Variants in AGBL4 observed in about 807,000 individuals in gnomAD.
The protein encoded by AGBL4 is AGBL carboxypeptidase 4, also known as cytosolic carboxypeptidase 6.
AGBL4 carries 58 observed loss-of-function variants against 66.4 expected under a neutral mutation model. The ratio of observed to expected loss-of-function variants is 0.87; its 90% confidence interval spans 0.71 to 1.09. The LOEUF (loss-of-function observed/expected upper bound fraction) is 1.09. Ranked by LOEUF, AGBL4 falls within the 50% of genes least tolerant of loss-of-function variation. AGBL4 has a pLI of 0.00. For synonymous variants in AGBL4, 234 were observed against 222.9 expected, an observed-to-expected ratio of 1.05 and a Z score of -0.44; for missense variants, 579 against 631.0, an observed-to-expected ratio of 0.92 and a Z score of 0.88.
intron 4 of AGBL4, among the ~76,000 whole-genome samples, chr1:49,211,764 T>C (rs537659262): frequency 2.6e-5 from 4 of 152,282 alleles, no homozygotes; most frequent in African/African-American, 2.4e-5. Context: ...AGAACTGCTA[T>C]AAACACAGAT....
intron 2 of AGBL4, among the ~76,000 whole-genome samples, chr1:49,767,064 CAA>C (rs1652784312): frequency 1.3e-5 from 2 of 152,048 alleles, no homozygotes; most frequent in South Asian, 4.1e-4. Flanking sequence ...AGAAAACTAG[CAA>C]AGACATTCTG....
At chr1:48,564,887 T>A (rs531538452) in intron 11 of AGBL4, among the ~76,000 whole-genome samples, 1 of 152,186 alleles carries the variant, frequency 6.6e-6, no homozygotes. Flanking sequence ...GTAACCTGAC[T>A]CTAAGCTTGG....
At chr1:48,979,476 A>T (rs1361046518) in intron 5 of AGBL4, among the ~76,000 whole-genome samples, 1 of 152,160 alleles carries the variant, frequency 6.6e-6, no homozygotes, top group Non-Finnish European at 1.5e-5. Context: ...TAGTTGAAAA[A>T]TTTAATAGTA....
chr1:49,250,439 A>AT (rs1651957329), intron 3 of AGBL4, among the ~76,000 whole-genome samples: 1 of 132,908 alleles, frequency 7.5e-6, no homozygotes, highest in South Asian at 2.5e-4. Flanking sequence ...CACAGGAACT[A>AT]ATTTTTTTTT....
intron 5 of AGBL4, among the ~76,000 whole-genome samples, chr1:48,996,533 A>T (rs750746066): frequency 6.6e-6 from 1 of 152,200 alleles, no homozygotes; most frequent in Non-Finnish European, 1.5e-5. Context: ...TTCAGGAAGT[A>T]GGTTGTCAGT....
chr1:49,432,514 A>G (rs1012975610), intron 3 of AGBL4, among the ~76,000 whole-genome samples: 2 of 152,100 alleles, frequency 1.3e-5, no homozygotes, highest in East Asian at 1.9e-4. Flanking sequence ...ACTACAATAC[A>G]TATTCCTTCA....
intron 5 of AGBL4, among the ~76,000 whole-genome samples, chr1:48,964,736 AATAC>A (rs549304007): frequency 2.0e-5 from 3 of 152,004 alleles, no homozygotes; most frequent in East Asian, 1.9e-4. Context: ...AAAATAAATA[AATAC>A]ATACATACAT....
intron 1 of AGBL4, among the ~76,000 whole-genome samples, chr1:50,002,671 C>G (rs1660854485): frequency 6.6e-6 from 1 of 152,082 alleles, no homozygotes; most frequent in Admixed American, 6.5e-5. Flanking sequence ...GCCCGGCCAG[C>G]CCTAGTTCTT....
chr1:48,620,830 T>G (rs1242332888), intron 9 of AGBL4, among the ~76,000 whole-genome samples: 1 of 152,076 alleles, frequency 6.6e-6, no homozygotes, highest in African/African-American at 2.4e-5. Context: ...TTTTTGTGTG[T>G]GTATGTGGTG....
chr1:48,997,375 G>A (rs1212976192), intron 5 of AGBL4, among the ~76,000 whole-genome samples: 1 of 152,182 alleles, frequency 6.6e-6, no homozygotes, highest in Non-Finnish European at 1.5e-5. Context: ...AAGCATACAA[G>A]TAGGTTGATG....
At chr1:48,910,824 G>A (rs2148880616) in intron 5 of AGBL4, among the ~76,000 whole-genome samples, 1 of 152,220 alleles carries the variant, frequency 6.6e-6, no homozygotes, top group East Asian at 1.9e-4. Flanking sequence ...TTCTGTCATG[G>A]GTTATTTATA....
At chr1:48,749,994 C>T (rs1380102054) in intron 6 of AGBL4, among the ~76,000 whole-genome samples, 4 of 152,174 alleles carry the variant, frequency 2.6e-5, no homozygotes, top group African/African-American at 7.2e-5. Flanking sequence ...CCACTGTGGG[C>T]ACAGTGAGTG....
intron 4 of AGBL4, among the ~76,000 whole-genome samples, chr1:49,207,458 TTCTTTCTTTC>T (rs77394320): frequency 0.9 from 125,448 of 139,148 alleles, 56,967 homozygotes; most frequent in Non-Finnish European, 0.94. Context: ...TTCTTTCTTT[TTCTTTCTTTC>T]TCTTTCTTTC....
chr1:48,999,073 T>C (rs774851834), intron 5 of AGBL4, among the ~76,000 whole-genome samples: 7 of 152,190 alleles, frequency 4.6e-5, no homozygotes, highest in Non-Finnish European at 8.8e-5. Context: ...TCTTTCAAGG[T>C]AATGAGTTCC....
chr1:49,375,016 A>C (rs1277150116), intron 3 of AGBL4, among the ~76,000 whole-genome samples: 6 of 151,456 alleles, frequency 4.0e-5, no homozygotes, highest in Non-Finnish European at 8.8e-5. Flanking sequence ...CCTCCAAAAC[A>C]CTCTTTTCTT....
At chr1:49,539,203 A>G (rs2148822194) in intron 3 of AGBL4, among the ~76,000 whole-genome samples, 1 of 152,324 alleles carries the variant, frequency 6.6e-6, no homozygotes, top group African/African-American at 2.4e-5. Flanking sequence ...TTTGTAAACA[A>G]TTATTCATAT....
intron 1 of AGBL4, among the ~76,000 whole-genome samples, chr1:49,954,101 CATAT>C (rs767552553): frequency 1.3e-5 from 2 of 151,776 alleles, no homozygotes; most frequent in Non-Finnish European, 2.9e-5. Flanking sequence ...CACTATGTTA[CATAT>C]ATTGGTCTCA....
At chr1:49,898,777 T>TC (rs1239309164) in intron 1 of AGBL4, among the ~76,000 whole-genome samples, 3 of 152,164 alleles carry the variant, frequency 2.0e-5, no homozygotes, top group Admixed American at 2.0e-4. Flanking sequence ...TAAAGTACTA[T>TC]CCAGCCATAA....
chr1:48,978,810 T>A (rs1659537128), intron 5 of AGBL4, among the ~76,000 whole-genome samples: 2 of 152,194 alleles, frequency 1.3e-5, no homozygotes, highest in Admixed American at 1.3e-4. Context: ...TCAAGGTCAC[T>A]CGACAAGGCA....
Sources: gnomAD v4.1 joint callset for allele counts (sites outside exome capture counted in the v4.1 genomes callset) on GRCh38, gnomAD v4.1.1 for gene constraint, MANE v1.5 for transcripts, NCBI Gene and HGNC (gene_info 2026-07-23, HGNC 2026-07-21) for gene names.